The following AUTS2 variants were observed in gnomAD, a reference collection of about 807,000 sequenced individuals.
The protein encoded by AUTS2 is autism susceptibility gene 2 protein.
Under a neutral mutation model 112.4 loss-of-function variants are expected in AUTS2, and 17 were observed. That is an observed-to-expected ratio of 0.15 (90% CI 0.10 to 0.23). The LOEUF is 0.23. Among genes scored for constraint, AUTS2 ranks in the 10% least tolerant of loss-of-function variants. AUTS2 has a pLI of 1.00. For missense variants in AUTS2, 1,510 were observed against 1,701.6 expected (o/e 0.89, Z 1.98); for synonymous variants, 751 against 702.7 (o/e 1.07, Z -1.09).
At chr7:69,709,260 A>G (rs1584110133) in intron 1 of AUTS2, among the ~76,000 whole-genome samples, 1 of 152,176 alleles carries the variant, frequency 6.6e-6, no homozygotes, top group African/African-American at 2.4e-5. Flanking sequence ...CTCCTTTTGC[A>G]CCTTTCCCAG....
intron 2 of AUTS2, among the ~76,000 whole-genome samples, chr7:69,982,741 G>C (rs1331868230): frequency 6.6e-6 from 1 of 152,212 alleles, no homozygotes; most frequent in Non-Finnish European, 1.5e-5. Context: ...GGAGAACTCA[G>C]GTGTGTTACT....
At chr7:69,928,547 A>G (rs1409189613) in intron 2 of AUTS2, among the ~76,000 whole-genome samples, 3 of 152,140 alleles carry the variant, frequency 2.0e-5, no homozygotes, top group Non-Finnish European at 2.9e-5. Flanking sequence ...GAGGGGCCTG[A>G]GGTAGCAGGG....
At chr7:70,679,080 A>C (rs903532789) in intron 5 of AUTS2, among the ~76,000 whole-genome samples, 2 of 152,194 alleles carry the variant, frequency 1.3e-5, no homozygotes, top group East Asian at 3.8e-4. Context: ...TACCAAGCAT[A>C]ATGAGAGACA....
intron 5 of AUTS2, among the ~76,000 whole-genome samples, chr7:70,536,268 G>A (rs2129501822): frequency 6.6e-6 from 1 of 152,288 alleles, no homozygotes; most frequent in East Asian, 1.9e-4. Flanking sequence ...CAGTATGAGT[G>A]ACAGAGTGAG....
At chr7:70,562,919 G>C (rs1563043343) in intron 5 of AUTS2, among the ~76,000 whole-genome samples, 1 of 152,162 alleles carries the variant, frequency 6.6e-6, no homozygotes, top group East Asian at 1.9e-4. Flanking sequence ...ATGTTGACAT[G>C]GAGAAGAGAT....
rs115981331 is a variant in AUTS2, at chr7:70,646,329, C to T, written c.691-52240C>T. ...TTAAGGCAGAGTCCATGGGGTTTCA[C>T]CAGAGGGGCCATTTCCCTCTCTGCC... On this transcript the variant is annotated intron_variant, in intron 5 of 18. Coordinates refer to ENST00000342771, the MANE Select transcript of AUTS2 (RefSeq NM_015570.4). Among the ~76,000 whole-genome samples the T allele has an allele frequency of 9.4e-3, 1,431 of 152,326 alleles. 34 individuals are homozygous for T. The highest frequency in any genetic ancestry group is 0.033 in the African/African-American group (1,357 of 41,572).
intron 5 of AUTS2, among the ~76,000 whole-genome samples, chr7:70,455,520 C>G (rs1220886611): frequency 6.6e-6 from 1 of 152,142 alleles, no homozygotes; most frequent in Non-Finnish European, 1.5e-5. Flanking sequence ...GCGGGACTTC[C>G]CAGCAGCTGA....
Position 70,771,705 on chromosome 7 carries a change from G to A in AUTS2, c.1830+61G>A, listed in dbSNP as rs2293506. The A allele has an allele frequency of 2.2e-4, 318 of 1,472,350 alleles. 1 individual carries two copies. The East Asian group carries it at 5.2e-3, about 24-fold the overall frequency. 91.2% of individuals were successfully genotyped at this position (1,472,350 alleles called of 1,614,324 possible). A position where few individuals can be genotyped will look rare whatever the true frequency, so the allele number is the denominator to read the frequency against. On this transcript the variant is annotated intron_variant, in intron 11 of 18. Coordinates refer to ENST00000342771, the MANE Select transcript of AUTS2 (RefSeq NM_015570.4). ...GTCTAAGTGGCGTCCCGGGCCAGGC[G>A]TGCAGGAAGTTCTGCGTCCTCTTGC...
chr7:69,901,301 G>C (rs951804321), intron 2 of AUTS2, among the ~76,000 whole-genome samples: 3 of 151,702 alleles, frequency 2.0e-5, no homozygotes, highest in African/African-American at 4.8e-5. Flanking sequence ...CCCCGCCCCA[G>C]CAGGGTAAGA....
chr7:70,621,758 A>G (rs1195348526), intron 5 of AUTS2, among the ~76,000 whole-genome samples: 1 of 150,418 alleles, frequency 6.6e-6, no homozygotes, highest in Non-Finnish European at 1.5e-5. Context: ...TATAGCAAAC[A>G]CAGTGGACCA....
chr7:70,453,386 T>G (rs934077867), intron 5 of AUTS2, among the ~76,000 whole-genome samples: 1 of 152,242 alleles, frequency 6.6e-6, no homozygotes, highest in Non-Finnish European at 1.5e-5. Context: ...AAGCATTACC[T>G]TGGCAAGCGC....
chr7:70,507,644 A>G (rs1799018426), intron 5 of AUTS2, among the ~76,000 whole-genome samples: 1 of 151,966 alleles, frequency 6.6e-6, no homozygotes, highest in South Asian at 2.1e-4. Flanking sequence ...TAAAAATACA[A>G]AAATTAGCCA....
intron 5 of AUTS2, among the ~76,000 whole-genome samples, chr7:70,539,462 G>A (rs1322807458): frequency 1.3e-5 from 2 of 152,148 alleles, no homozygotes; most frequent in African/African-American, 2.4e-5. Context: ...AGACTGTGCT[G>A]TGCTGCAACT....
intron 2 of AUTS2, among the ~76,000 whole-genome samples, chr7:69,985,134 G>A (rs1051102442): frequency 1.3e-5 from 2 of 151,488 alleles, no homozygotes; most frequent in African/African-American, 4.9e-5. Flanking sequence ...GGGAGCCTGA[G>A]GCAGGAGGAT....
At chr7:69,806,197 CTTTTTTT>C (rs56704400) in intron 1 of AUTS2, among the ~76,000 whole-genome samples, 16 of 55,024 alleles carry the variant, frequency 2.9e-4, no homozygotes, top group Non-Finnish European at 5.3e-4. Context: ...CCAGCCAAGG[CTTTTTTT>C]TTTTTTTTTT....
intron 5 of AUTS2, among the ~76,000 whole-genome samples, chr7:70,439,105 C>T (rs78318639): frequency 0.016 from 2,419 of 152,316 alleles, 67 homozygotes; most frequent in African/African-American, 0.055. Flanking sequence ...AAAAGCAGAG[C>T]TTTCCCTAAA....
At chr7:70,396,317 A>G (rs1794079981) in intron 4 of AUTS2, among the ~76,000 whole-genome samples, 1 of 152,178 alleles carries the variant, frequency 6.6e-6, no homozygotes, top group Non-Finnish European at 1.5e-5. Context: ...GTATTATATA[A>G]CTGTAATCTT....
At chr7:69,612,431 A>T (rs941810742) in intron 1 of AUTS2, among the ~76,000 whole-genome samples, 1 of 151,250 alleles carries the variant, frequency 6.6e-6, no homozygotes, top group Non-Finnish European at 1.5e-5. Flanking sequence ...GAAAAGAGAG[A>T]GCCAGAGTTT....
intron 5 of AUTS2, among the ~76,000 whole-genome samples, chr7:70,654,001 A>C (rs543023486): frequency 1.9e-4 from 29 of 152,270 alleles, no homozygotes; most frequent in Admixed American, 3.9e-4. Context: ...TCTCCCTTGC[A>C]TTGTGATTTG....
Sources: allele counts gnomAD v4.1 joint callset (sites outside exome capture counted in the v4.1 genomes callset), GRCh38; gene constraint gnomAD v4.1.1; transcripts MANE v1.5; gene names NCBI Gene and HGNC (gene_info 2026-07-23, HGNC 2026-07-21).